Variants in ERG observed in about 807,000 individuals in gnomAD.
ERG encodes the protein transcriptional regulator ERG.
A neutral mutation model predicts 55.3 loss-of-function variants in ERG; 9 were observed. The ratio of observed to expected loss-of-function variants is 0.16; its 90% confidence interval spans 0.10 to 0.28. ERG has a LOEUF of 0.28. Among genes scored for constraint, ERG ranks in the 10% least tolerant of loss-of-function variants. The pLI is 1.00. For synonymous variants in ERG, 223 were observed against 237.3 expected (o/e 0.94, Z 0.55); for missense variants, 434 against 631.6 (o/e 0.69, Z 3.35).
chr21:38,632,855 A>G (rs1016093209), intron 1 of ERG, among the ~76,000 whole-genome samples: 3 of 152,250 alleles, frequency 2.0e-5, no homozygotes, highest in Non-Finnish European at 2.9e-5. Context: ...AATTAAAACC[A>G]GAAATGCTGT....
intron 1 of ERG, among the ~76,000 whole-genome samples, chr21:38,641,326 T>C (rs2146970631): frequency 6.6e-6 from 1 of 152,282 alleles, no homozygotes; most frequent in East Asian, 1.9e-4. Flanking sequence ...GAAGATGCCA[T>C]CTATGAACCA....
intron 1 of ERG, among the ~76,000 whole-genome samples, chr21:38,497,221 A>G (rs2059387065): frequency 6.6e-6 from 1 of 152,242 alleles, no homozygotes; most frequent in South Asian, 2.1e-4. Context: ...TAATACAAAC[A>G]TTTCAAATTA....
chr21:38,418,652 C>T (rs1275384641), intron 3 of ERG, among the ~76,000 whole-genome samples: 3 of 149,984 alleles, frequency 2.0e-5, no homozygotes, highest in Non-Finnish European at 4.4e-5. Context: ...CTAGGCCAGG[C>T]GTGGTGGTTC....
In ERG at chr21:38,381,787, A is replaced by G. The variant is rs904116495; in HGVS notation, c.*1616T>C. The G allele has an allele frequency of 6.6e-6, 7 of 1,063,060 alleles. No homozygotes were observed. In the Admixed American group the frequency reaches 1.6e-4, roughly 24 times the overall value. The allele number at this position is 1,063,060 out of a possible 1,614,324, so 65.9% of individuals were successfully genotyped here. On this transcript the variant is annotated 3_prime_UTR_variant, in exon 10 of 10. Coordinates refer to ENST00000288319, the MANE Select transcript of ERG (RefSeq NM_182918.4). ...TCCAGGCATAAATATGGAGGCTCCA[A>G]TGTGAAACCCGGGGTCCTTCTGTTC...
intron 1 of ERG, among the ~76,000 whole-genome samples, chr21:38,649,309 C>T (rs916607824): frequency 1.3e-5 from 2 of 152,136 alleles, no homozygotes; most frequent in African/African-American, 2.4e-5. Flanking sequence ...GATGACGTAG[C>T]GTTTCTCTCA....
chr21:38,483,237 C>T (rs781101869), intron 1 of ERG, among the ~76,000 whole-genome samples: 1 of 152,104 alleles, frequency 6.6e-6, no homozygotes, highest in Non-Finnish European at 1.5e-5. Context: ...CTTAATAATA[C>T]CGTGCTGTGC....
At chr21:38,488,585 G>A (rs2059308340) in intron 1 of ERG, among the ~76,000 whole-genome samples, 1 of 152,260 alleles carries the variant, frequency 6.6e-6, no homozygotes, top group Middle Eastern at 3.4e-3. Context: ...TTGGAATTTA[G>A]TAACTGCTGT....
At chr21:38,588,137 G>A (rs531007234), upstream of ERG, among the ~76,000 whole-genome samples, 2 of 152,344 alleles carry the variant, frequency 1.3e-5, no homozygotes, top group East Asian at 3.9e-4. Context: ...AGCCGCGTGA[G>A]CTGGCCTCAT....
chr21:38,564,945 T>G (rs140147317), intron 2 of ERG, among the ~76,000 whole-genome samples: 1 of 152,180 alleles, frequency 6.6e-6, no homozygotes, highest in African/African-American at 2.4e-5. Flanking sequence ...CATATCAACC[T>G]CTCAACATCA....
intron 2 of ERG, among the ~76,000 whole-genome samples, chr21:38,554,115 A>T (rs1268432211): frequency 6.6e-6 from 1 of 152,234 alleles, no homozygotes; most frequent in Non-Finnish European, 1.5e-5. Context: ...AGAAAAGCAA[A>T]CCAAAACCAC....
chr21:38,596,344 G>A lies in ERG; in HGVS notation c.-149-11399C>T, dbSNP rs369601419. ...AGCAAATGAACACAAATTCAAACTC[G>A]GAATTCAAAACCAGCCTCTGTGTAT... On this transcript the variant is annotated intron_variant, in intron 1 of 10. Coordinates refer to the ERG transcript ENST00000398910. 9.2e-5 allele frequency among the ~76,000 whole-genome samples: 14 copies of A among 152,264 alleles called. No homozygotes were observed. The East Asian group carries it at 2.3e-3, about 25-fold the overall frequency.
intron 1 of ERG, among the ~76,000 whole-genome samples, chr21:38,458,100 C>G (rs548743379): frequency 2.0e-5 from 3 of 152,156 alleles, no homozygotes; most frequent in South Asian, 4.1e-4. Flanking sequence ...GAAAACCAGC[C>G]GACTGGAGCA....
chr21:38,559,297 G>A (rs1286602950), intron 2 of ERG, among the ~76,000 whole-genome samples: 1 of 151,422 alleles, frequency 6.6e-6, no homozygotes, highest in Non-Finnish European at 1.5e-5. Flanking sequence ...GCCTGCTGAT[G>A]ACCCATTCTG....
intron 1 of ERG, among the ~76,000 whole-genome samples, chr21:38,656,404 T>C (rs2060519255): frequency 6.6e-6 from 1 of 152,208 alleles, no homozygotes; most frequent in African/African-American, 2.4e-5. Context: ...TGGGATTCTC[T>C]TACTGTCCAT....
At chr21:38,501,873 A>C (rs2059423959), upstream of ERG, among the ~76,000 whole-genome samples, 1 of 152,248 alleles carries the variant, frequency 6.6e-6, no homozygotes. Context: ...AAACAAAATA[A>C]TATAACATAA....
intron 1 of ERG, among the ~76,000 whole-genome samples, chr21:38,488,019 A>G (rs933845671): frequency 6.6e-6 from 1 of 152,138 alleles, no homozygotes; most frequent in Non-Finnish European, 1.5e-5. Context: ...CTCGGGGTCA[A>G]ATGCAATCTC....
intron 1 of ERG, among the ~76,000 whole-genome samples, chr21:38,454,430 C>A (rs1029563508): frequency 7.2e-5 from 11 of 152,182 alleles, no homozygotes; most frequent in African/African-American, 2.4e-4. Flanking sequence ...AGTCTCCAGC[C>A]CTGCTGAGTC....
chr21:38,564,587 CT>C (rs1555860965), intron 2 of ERG, among the ~76,000 whole-genome samples: 4 of 151,402 alleles, frequency 2.6e-5, no homozygotes, highest in East Asian at 1.9e-4. Flanking sequence ...CTCTCTCTCT[CT>C]TTTTTTTTGT....
At position 38,573,787 on chromosome 21, in the gene ERG, T is replaced by C. The variant is rs146429091; in HGVS notation, c.-41+1875A>G. Reference sequence around the variant, plus strand: ...GGTCCCCTGAGCCCACTGTTGTTTCTCTATACTTTGTCTCTGTGTCTTATT... The same window carrying C: ...GGTCCCCTGAGCCCACTGTTGTTTCCCTATACTTTGTCTCTGTGTCTTATT... On this transcript the variant is annotated intron_variant, in intron 2 of 8. Transcript: ENST00000398897. Among the ~76,000 whole-genome samples the C allele has an allele frequency of 7.5e-3, 1,139 of 152,326 alleles. 18 individuals are homozygous for C. Among genetic ancestry groups the C allele is most frequent in the African/African-American group, 0.026 (1,080 of 41,572 alleles).
Sources: allele counts gnomAD v4.1 joint callset (sites outside exome capture counted in the v4.1 genomes callset), GRCh38; gene constraint gnomAD v4.1.1; transcripts MANE v1.5; gene names NCBI Gene and HGNC (gene_info 2026-07-23, HGNC 2026-07-21).